Variants in CYP39A1 observed in about 807,000 individuals in gnomAD.
CYP39A1 encodes cytochrome P450 family 39 subfamily A member 1.
CYP39A1 carries 49 observed loss-of-function variants against 58.1 expected under a neutral mutation model. The observed-to-expected ratio is 0.84, with a 90% confidence interval of 0.67 to 1.07. CYP39A1 has a LOEUF of 1.07. CYP39A1 is among the 50% of genes least tolerant of loss of function. The pLI is 0.00. For missense variants in CYP39A1, 531 were observed against 539.4 expected (o/e 0.98, Z 0.16); for synonymous variants, 209 against 187.6 (o/e 1.11, Z -0.93).
chr6:46,595,414 A>T (rs1319986496), intron 8 of CYP39A1, among the ~76,000 whole-genome samples: 1 of 152,062 alleles, frequency 6.6e-6, no homozygotes, highest in Non-Finnish European at 1.5e-5. Flanking sequence ...TTTAAAAAGA[A>T]GGAAATGCTC....
intron 8 of CYP39A1, among the ~76,000 whole-genome samples, chr6:46,595,696 C>G (rs1773106209): frequency 6.6e-6 from 1 of 151,784 alleles, no homozygotes; most frequent in Non-Finnish European, 1.5e-5. Context: ...GGTGACTATT[C>G]CTAGTAATGA....
At chr6:46,649,488 G>A (rs1279762861) in intron 1 of CYP39A1, among the ~76,000 whole-genome samples, 1 of 152,168 alleles carries the variant, frequency 6.6e-6, no homozygotes, top group Non-Finnish European at 1.5e-5. Context: ...TATGTCTATC[G>A]ATGAGGAAAC....
At chr6:46,605,989 G>C (rs574228169) in intron 7 of CYP39A1, among the ~76,000 whole-genome samples, 2 of 152,228 alleles carry the variant, frequency 1.3e-5, no homozygotes, top group South Asian at 4.2e-4. Flanking sequence ...GGCAACTACG[G>C]TCAGTTTGTG....
At chr6:46,633,752 G>T (rs894119270) in intron 5 of CYP39A1, among the ~76,000 whole-genome samples, 1 of 152,006 alleles carries the variant, frequency 6.6e-6, no homozygotes, top group African/African-American at 2.4e-5. Flanking sequence ...AGCTACTCGG[G>T]AGGCTGAAGC....
At chr6:46,565,614 A>AC (rs1203170826) in intron 10 of CYP39A1, among the ~76,000 whole-genome samples, 1 of 152,096 alleles carries the variant, frequency 6.6e-6, no homozygotes, top group Non-Finnish European at 1.5e-5. Context: ...TTTGCCATGG[A>AC]CCCCCAGGAT....
chr6:46,585,759 T>A (rs1772438914), intron 10 of CYP39A1, among the ~76,000 whole-genome samples: 1 of 152,128 alleles, frequency 6.6e-6, no homozygotes. Context: ...TCAAATCTGA[T>A]GAATTCAGCG....
intron 10 of CYP39A1, chr6:46,586,117 T>C: frequency 1.8e-6 from 1 of 541,598 alleles, no homozygotes; most frequent in Non-Finnish European, 2.4e-6. Flanking sequence ...AATACTATTT[T>C]AGGGGAAGCG....
intron 7 of CYP39A1, among the ~76,000 whole-genome samples, chr6:46,611,510 C>CA (rs1243193054): frequency 3.9e-5 from 6 of 152,180 alleles, no homozygotes; most frequent in Admixed American, 1.3e-4. Context: ...TCTATCATGT[C>CA]AAAAGAAGTT....
intron 7 of CYP39A1, among the ~76,000 whole-genome samples, chr6:46,597,810 G>A (rs1326581496): frequency 6.6e-6 from 1 of 152,056 alleles, no homozygotes; most frequent in Non-Finnish European, 1.5e-5. Flanking sequence ...TTAGGCTGAG[G>A]GAGTGTTAAC....
intron 1 of CYP39A1, among the ~76,000 whole-genome samples, chr6:46,644,971 C>T (rs1051164304): frequency 1.3e-5 from 2 of 152,236 alleles, no homozygotes; most frequent in African/African-American, 2.4e-5. Context: ...GTCCTCTGCC[C>T]ATTTTCTAAC....
At chr6:46,567,017 G>A (rs1771328188) in intron 10 of CYP39A1, among the ~76,000 whole-genome samples, 1 of 151,946 alleles carries the variant, frequency 6.6e-6, no homozygotes, top group Admixed American at 6.6e-5. Flanking sequence ...TTTAAGATCT[G>A]TTCTCTTAGC....
intron 8 of CYP39A1, among the ~76,000 whole-genome samples, chr6:46,590,892 T>C (rs1368955699): frequency 1.3e-5 from 2 of 152,172 alleles, no homozygotes; most frequent in Non-Finnish European, 2.9e-5. Context: ...TGTTTAATCT[T>C]CCATTGGGTA....
At chr6:46,597,059 G>T (rs1426590079) in intron 7 of CYP39A1, among the ~76,000 whole-genome samples, 2 of 152,112 alleles carry the variant, frequency 1.3e-5, no homozygotes, top group East Asian at 1.9e-4. Context: ...TCTGGATGAG[G>T]CGTGTTCAAA....
chr6:46,561,993 A>C (rs1168850655), intron 10 of CYP39A1, among the ~76,000 whole-genome samples: 2 of 152,118 alleles, frequency 1.3e-5, no homozygotes, highest in African/African-American at 2.4e-5. Context: ...TACAGTTAAT[A>C]ACAATATGAA....
At chr6:46,633,518 C>T (rs547951427) in intron 5 of CYP39A1, among the ~76,000 whole-genome samples, 3 of 152,216 alleles carry the variant, frequency 2.0e-5, no homozygotes, top group African/African-American at 7.2e-5. Flanking sequence ...ACAACAAAAT[C>T]TTTTAAATTT....
intron 11 of CYP39A1, among the ~76,000 whole-genome samples, chr6:46,551,333 G>T (rs1000672986): frequency 7.2e-6 from 1 of 139,588 alleles, no homozygotes; most frequent in East Asian, 2.3e-4. Context: ...CATTTTGTGA[G>T]ATTTCCTAAG....
intron 7 of CYP39A1, among the ~76,000 whole-genome samples, chr6:46,609,358 G>A (rs1313775409): frequency 5.4e-5 from 8 of 149,516 alleles, no homozygotes; most frequent in Non-Finnish European, 8.9e-5. Flanking sequence ...AGCTGAGTCC[G>A]CGCCACTGAG....
At chr6:46,583,081 T>C (rs570754815) in intron 10 of CYP39A1, 53 of 985,358 alleles carry the variant, frequency 5.4e-5, no homozygotes, top group African/African-American at 4.4e-4. Context: ...CTAGAATACA[T>C]GAAAGACCCA....
chr6:46,605,543 C>A (rs947055756), intron 7 of CYP39A1, among the ~76,000 whole-genome samples: 2 of 152,098 alleles, frequency 1.3e-5, no homozygotes, highest in East Asian at 1.9e-4. Context: ...TGAGGCAATG[C>A]AATGCAGAAA....
Sources: gnomAD v4.1 joint callset for allele counts (sites outside exome capture counted in the v4.1 genomes callset) on GRCh38, gnomAD v4.1.1 for gene constraint, MANE v1.5 for transcripts, NCBI Gene and HGNC (gene_info 2026-07-23, HGNC 2026-07-21) for gene names.